The following PRR36 variants were observed in gnomAD, a reference collection of about 807,000 sequenced individuals.
PRR36 encodes the protein proline-rich protein 36.
In PRR36, 30 loss-of-function variants were observed where a neutral mutation model predicts 58.6. That is an observed-to-expected ratio of 0.51 (90% CI 0.38 to 0.69). The LOEUF is 0.69. Among genes scored for constraint, PRR36 ranks in the 30% least tolerant of loss-of-function variants. The pLI is 0.00. For missense variants in PRR36, 1,692 were observed against 1,805.6 expected (o/e 0.94, Z 1.14); for synonymous variants, 771 against 829.3 (o/e 0.93, Z 1.21).
chr19:7,874,338 G>A lies in PRR36; in HGVS notation c.-60C>T, dbSNP rs1980605807. ...CACAGAGTCGCCTGGGGTGGGGCCC[G>A]GGCCGGAGCGACGCGGTGGCCGCCA... On this transcript the variant is annotated 5_prime_UTR_variant, in exon 1 of 6. Coordinates refer to ENST00000618550, the MANE Select transcript of PRR36 (RefSeq NM_001190467.2). The surrounding 1 kb of genome is among the most constrained non-coding windows in gnomAD (Gnocchi z 6.0). The A allele has an allele frequency of 6.6e-6, 1 of 151,600 alleles. No homozygotes were observed. Among genetic ancestry groups the A allele is most frequent in the African/African-American group, 2.4e-5 (1 of 41,364 alleles). 9.4% of individuals were successfully genotyped at this position (151,600 alleles called of 1,614,324 possible). A position where few individuals can be genotyped will look rare whatever the true frequency, so the allele number is the denominator to read the frequency against.
rs539140953 is a variant in PRR36 at position 7,871,678 on chromosome 19, G to A, written c.1566C>T (p.Asp522=). 7 of 1,514,468 alleles carry A rather than the reference G, an allele frequency of 4.6e-6. No individual in the cohort carries two copies. The highest frequency in any genetic ancestry group is 6.2e-6 in the Non-Finnish European group (7 of 1,127,854). 93.8% of individuals were successfully genotyped at this position (1,514,468 alleles called of 1,614,324 possible). A position where few individuals can be genotyped will look rare whatever the true frequency, so the allele number is the denominator to read the frequency against. The change falls in exon 5 of 6, where the codon GAC becomes GAT. Residue 522 remains aspartate, a synonymous_variant. Transcript: ENST00000618550. ...GAGGCAATGTGGCCAGAAGAGGAGA[G>A]TCCTGCAGAGGAAGAGTGGCCAGAG... ...PHTLATLPLQ[D]SPLLATLPLQ... is the part of the protein sequence containing the mutation.
chr19:7,869,427 C>A lies in PRR36; in HGVS notation c.3647G>T (p.Gly1216Val). Residue 1216 changes from glycine to valine, a missense_variant, in exon 6 of 6, where the codon GGG becomes GTG. Gly to Val is a moderately radical substitution (Grantham distance 109). This residue lies in a region of PRR36 where 485 missense variants were observed against 549.2 expected (regional missense o/e 0.88). Transcript: ENST00000618550. ...ATPAPGALDP[G>V]PSPGTSGGKA... ...CCCACCGCTCGTGCCGGGACTGGGC[C>A]CCGGATCCAGTGCGCCAGGGGCGGG... The A allele has an allele frequency of 6.7e-7, 1 of 1,500,842 alleles. No homozygotes were observed. The highest frequency in any genetic ancestry group is 2.8e-5 in the East Asian group (1 of 35,632). The allele number at this position is 1,500,842 out of a possible 1,614,324, so 93.0% of individuals were successfully genotyped here.
rs1214683004 is a variant in PRR36, at chr19:7,874,329, G to T, written c.-51C>A. 1 of 151,742 alleles carries T rather than the reference G, an allele frequency of 6.6e-6. No homozygotes were observed. The highest frequency in any genetic ancestry group is 1.5e-5 in the Non-Finnish European group (1 of 67,908). The allele number at this position is 151,742 out of a possible 1,614,324, so 9.4% of individuals were successfully genotyped here. ...GCCGCTCCTCACAGAGTCGCCTGGGGTGGGGCCCGGGCCGGAGCGACGCGG... is the reference window on the plus strand; with the variant it reads ...GCCGCTCCTCACAGAGTCGCCTGGGTTGGGGCCCGGGCCGGAGCGACGCGG... On this transcript the variant is annotated 5_prime_UTR_variant, in exon 1 of 6. Coordinates refer to ENST00000618550, the MANE Select transcript of PRR36 (RefSeq NM_001190467.2). This position sits in a 1 kb window ranked among gnomAD's most constrained non-coding sequence, Gnocchi z 6.0.
rs760874399 is a variant in PRR36, at chr19:7,872,576, G to T, written c.668C>A (p.Ala223Asp). ...SEHSTTEPSP[A>D]ARRRPSAGGG... is the part of the protein sequence containing the mutation. ...ACCGGCGCTGGGCCGCCTCCTGGCAGCCGGGCTTGGCTCGGTGGTACTGTG... is the reference window on the plus strand; with the variant it reads ...ACCGGCGCTGGGCCGCCTCCTGGCATCCGGGCTTGGCTCGGTGGTACTGTG... The change falls in exon 5 of 6, where the codon GCT (alanine) becomes GAT (aspartate). Residue 223 changes from alanine (A) to aspartate (D), a missense_variant. Ala to Asp is a moderately radical substitution (Grantham distance 126). Around this residue, in one of 5 missense-constraint regions of PRR36, gnomAD observed 975 missense variants for 955.2 expected, o/e 1.02. Coordinates refer to ENST00000618550, the MANE Select transcript of PRR36 (RefSeq NM_001190467.2). The surrounding 1 kb of genome is among the most constrained non-coding windows in gnomAD (Gnocchi z 6.1). 34 of 1,524,058 alleles carry T rather than the reference G, an allele frequency of 2.2e-5. No individual in the cohort carries two copies. In the Middle Eastern group the frequency reaches 2.7e-3, roughly 121 times the overall value. The allele number at this position is 1,524,058 out of a possible 1,614,324, so 94.4% of individuals were successfully genotyped here.
chr19:7,871,513 C>T lies in PRR36; in HGVS notation c.1731G>A (p.Gln577=). 1 of 1,534,386 alleles carries T rather than the reference C, an allele frequency of 6.5e-7. No homozygotes were observed. Among genetic ancestry groups the T allele is most frequent in the Non-Finnish European group, 8.7e-7 (1 of 1,146,470 alleles). The change falls in exon 5 of 6, where the codon CAG becomes CAA. Residue 577 remains glutamine (Q), a synonymous_variant. Coordinates refer to ENST00000618550, the MANE Select transcript of PRR36 (RefSeq NM_001190467.2). ...APPSMTTPPM[Q]APPSLQTIPP... ...GAATGGTCTGGAGAGAGGGCGGGGC[C>T]TGCATAGGGGGCGTAGTCATAGAAG...
At position 7,869,550 on chromosome 19, in the gene PRR36, G is replaced by C; in HGVS notation, c.3530-6C>G. 6.6e-7 allele frequency: 1 copy of C among 1,517,274 alleles called. No homozygotes were observed. The highest frequency in any genetic ancestry group is 8.8e-7 in the Non-Finnish European group (1 of 1,138,786). The allele number at this position is 1,517,274 out of a possible 1,614,324, so 94.0% of individuals were successfully genotyped here. A position where few individuals can be genotyped will look rare whatever the true frequency, so the allele number is the denominator to read the frequency against. On this transcript the variant is annotated splice_polypyrimidine_tract_variant and splice_region_variant and intron_variant, in intron 5 of 5. Coordinates refer to ENST00000618550, the MANE Select transcript of PRR36 (RefSeq NM_001190467.2). ...AGGCCACGGCAGGGGCGCACCTGCG[G>C]GGAGAGACGCCAGGTGGGCCGTGGG...
Position 7,869,021 on chromosome 19 carries a change from C to T in PRR36, c.*12G>A, listed in dbSNP as rs370616890. ...CAGGGGTGGGGTGTAGCAGGCGGGG[C>T]TGTGGTCTGGCTCAGTGGAAGGTCT... On this transcript the variant is annotated 3_prime_UTR_variant, in exon 6 of 6. Coordinates refer to ENST00000618550, the MANE Select transcript of PRR36 (RefSeq NM_001190467.2). 4 of 1,500,336 alleles carry T rather than the reference C, an allele frequency of 2.7e-6. No individual in the cohort carries two copies. The highest frequency in any genetic ancestry group is 3.5e-6 in the Non-Finnish European group (4 of 1,128,062). 92.9% of individuals were successfully genotyped at this position (1,500,336 alleles called of 1,614,324 possible). A position where few individuals can be genotyped will look rare whatever the true frequency, so the allele number is the denominator to read the frequency against.
At position 7,870,000 on chromosome 19, in the gene PRR36, T is replaced by C; in HGVS notation, c.3244A>G (p.Thr1082Ala). The change falls in exon 5 of 6, where the codon ACC (threonine) becomes GCC (alanine). Residue 1082 changes from threonine to alanine, a missense_variant. Coordinates refer to ENST00000618550, the MANE Select transcript of PRR36 (RefSeq NM_001190467.2). ...GAGACGGAGGTATCCGGACCCGGGG[T>C]CGGGGGGCGGCGTGGGGCCTGCAGG... ...PTLQAPRRPP[T>A]PGPDTSVSGP... is the part of the protein sequence containing the mutation. 1 of 1,387,388 alleles carries C rather than the reference T, an allele frequency of 7.2e-7. No individual in the cohort carries two copies. The highest frequency in any genetic ancestry group is 1.5e-5 in the African/African-American group (1 of 64,544). 85.9% of individuals were successfully genotyped at this position (1,387,388 alleles called of 1,614,324 possible).
In PRR36 at chr19:7,869,721, C is replaced by A. The variant is rs1599587400; in HGVS notation, c.3523G>T (p.Ala1175Ser). The change falls in exon 5 of 6, where the codon GCC becomes TCC. Residue 1175 changes from alanine to serine, a missense_variant. Physicochemically the swap from Ala to Ser is moderately conservative, Grantham distance 99. Transcript: ENST00000618550. ...GPAPPLAFRG[A>S]PGAPLPWPPA... is the part of the protein sequence containing the mutation. ...GGTCTGGGGTGCCCCTTACCTGGGG[C>A]TCCGCGGAAAGCCAGCGGCGGAGCG... 7.4e-7 allele frequency: 1 copy of A among 1,344,676 alleles called. No homozygotes were observed. The highest frequency in any genetic ancestry group is 1.5e-5 in the African/African-American group (1 of 65,066). 83.3% of individuals were successfully genotyped at this position (1,344,676 alleles called of 1,614,324 possible).
chr19:7,873,837 GGCTCCC>G lies in PRR36; in HGVS notation c.-7-147_-7-142del. ...CCTCGGCCTCGGCTTCCATCCGCTC[GGCTCCC>G]ACGCACCTACACCCACTCGCCAGCC... is the stretch of plus-strand genomic sequence containing the variant. On this transcript the variant is annotated intron_variant, in intron 1 of 5. Coordinates refer to ENST00000618550, the MANE Select transcript of PRR36 (RefSeq NM_001190467.2). This position sits in a 1 kb window ranked among gnomAD's most constrained non-coding sequence, Gnocchi z 5.0. 1 of 762,140 alleles carries G rather than the reference GGCTCCC, an allele frequency of 1.3e-6. No individual in the cohort carries two copies. Among genetic ancestry groups the G allele is most frequent in the Non-Finnish European group, 2.0e-6 (1 of 494,894 alleles). The allele number at this position is 762,140 out of a possible 1,614,324, so 47.2% of individuals were successfully genotyped here.
chr19:7,870,165 C>A lies in PRR36; in HGVS notation c.3079G>T (p.Ala1027Ser), dbSNP rs1481437810. ...PPLQALPSPP[A>S]SFPGQAPFSP... ...AAAGGGGCCTGCCCAGGGAATGAGG[C>A]AGGCGGAGAGGGAAGGGCCTGCAGA... is the stretch of plus-strand genomic sequence containing the variant. The change falls in exon 5 of 6, where the codon GCC becomes TCC. Residue 1027 changes from alanine to serine, a missense_variant. Around this residue, in one of 5 missense-constraint regions of PRR36, gnomAD observed 485 missense variants for 549.2 expected, o/e 0.88. Transcript: ENST00000618550. 1.4e-6 allele frequency: 2 copies of A among 1,414,086 alleles called. No individual in the cohort carries two copies. The highest frequency in any genetic ancestry group is 2.9e-5 in the East Asian group (1 of 34,290). 87.6% of individuals were successfully genotyped at this position (1,414,086 alleles called of 1,614,324 possible).
rs569642414 is a variant in PRR36, at chr19:7,869,358, G to A, written c.3716C>T (p.Pro1239Leu). The change falls in exon 6 of 6, where the codon CCG (proline) becomes CTG (leucine). Residue 1239 changes from proline to leucine, a missense_variant. Coordinates refer to ENST00000618550, the MANE Select transcript of PRR36 (RefSeq NM_001190467.2). The stretch of plus-strand genomic sequence containing the variant: ...CAGCTCGCCCAGGCGCGCCTGCTTC[G>A]GGCTCCGCGAGGACGCCCCGGCCCC... ...GAGAGASSRSPKQARLGELPL... is the reference protein window; with the variant it reads ...GAGAGASSRSLKQARLGELPL... 1.4e-6 allele frequency: 2 copies of A among 1,431,756 alleles called. No homozygotes were observed. The highest frequency in any genetic ancestry group is 3.0e-5 in the African/African-American group (2 of 66,700). 88.7% of individuals were successfully genotyped at this position (1,431,756 alleles called of 1,614,324 possible).
Position 7,870,856 on chromosome 19 carries a change from C to G in PRR36, c.2388G>C (p.Ser796=), listed in dbSNP as rs1449847630. ...TCTCCGGAGGGGGCGTGGTCAATGG[C>G]GAAGGTGGTGCTTGCAGAGGGCATG... The part of the protein sequence containing the change: ...PAPCPLQAPP[S]PLTTPPPETP... Residue 796 remains serine, a synonymous_variant, in exon 5 of 6, where the codon TCG becomes TCC. Transcript: ENST00000618550. The G allele has an allele frequency of 2.1e-6, 3 of 1,435,410 alleles. No homozygotes were observed. Among genetic ancestry groups the G allele is most frequent in the African/African-American group, 2.9e-5 (2 of 69,048 alleles). The allele number at this position is 1,435,410 out of a possible 1,614,324, so 88.9% of individuals were successfully genotyped here. A position where few individuals can be genotyped will look rare whatever the true frequency, so the allele number is the denominator to read the frequency against.
Position 7,869,948 on chromosome 19 carries a change from G to A in PRR36, c.3296C>T (p.Ala1099Val). The A allele has an allele frequency of 7.3e-7, 1 of 1,372,142 alleles. No individual in the cohort carries two copies. The highest frequency in any genetic ancestry group is 9.3e-7 in the Non-Finnish European group (1 of 1,070,226). 85.0% of individuals were successfully genotyped at this position (1,372,142 alleles called of 1,614,324 possible). The change falls in exon 5 of 6, where the codon GCC (alanine) becomes GTC (valine). Residue 1099 changes from alanine to valine, a missense_variant. This residue lies in a region of PRR36 where 485 missense variants were observed against 549.2 expected (regional missense o/e 0.88). Transcript: ENST00000618550. ...VSGPRLTLAL[A>V]PGPPPPPSRS... ...CGAGGGCGGCGGCGGCGGGCCGGGG[G>A]CCAACGCCAGGGTCAGCCGTGGGCC...
Position 7,872,595 on chromosome 19 carries a change from T to G in PRR36, c.649A>C (p.Thr217Pro), listed in dbSNP as rs1599590755. Residue 217 changes from threonine (T) to proline (P), a missense_variant, in exon 5 of 6, where the codon ACC becomes CCC. By Grantham distance (38) the Thr-to-Pro change is conservative (BLOSUM62 -1). Coordinates refer to ENST00000618550, the MANE Select transcript of PRR36 (RefSeq NM_001190467.2). This position sits in a 1 kb window ranked among gnomAD's most constrained non-coding sequence, Gnocchi z 6.1. ...KSVSSASEHS[T>P]TEPSPAARRR... The stretch of plus-strand genomic sequence containing the variant: ...CTGGCAGCCGGGCTTGGCTCGGTGG[T>G]ACTGTGCTCCGAGGCGCTGCTCACT... 6.6e-7 allele frequency: 1 copy of G among 1,517,912 alleles called. No homozygotes were observed. The highest frequency in any genetic ancestry group is 8.8e-7 in the Non-Finnish European group (1 of 1,139,562). 94.0% of individuals were successfully genotyped at this position (1,517,912 alleles called of 1,614,324 possible). A position where few individuals can be genotyped will look rare whatever the true frequency, so the allele number is the denominator to read the frequency against.
chr19:7,873,222 G>T lies in PRR36; in HGVS notation c.349C>A (p.Pro117Thr). ...KNTSPGPVSS[P>T]GRASGTTRPG... ...CTGGTGGTCCCGCTGGCACGCCCTGGGCTAGAAACAGGGCCTGGGCTGGTG... is the reference window on the plus strand; with the variant it reads ...CTGGTGGTCCCGCTGGCACGCCCTGTGCTAGAAACAGGGCCTGGGCTGGTG... The change falls in exon 3 of 6, where the codon CCA becomes ACA. Residue 117 changes from proline (P) to threonine (T), a missense_variant. By Grantham distance (38) the Pro-to-Thr change is conservative (BLOSUM62 -1). Transcript: ENST00000618550. The surrounding 1 kb of genome is among the most constrained non-coding windows in gnomAD (Gnocchi z 5.0). 6.5e-7 allele frequency: 1 copy of T among 1,536,006 alleles called. No individual in the cohort carries two copies. Among genetic ancestry groups the T allele is most frequent in the Non-Finnish European group, 8.7e-7 (1 of 1,146,844 alleles).
Position 7,870,441 on chromosome 19 carries a change from A to T in PRR36, c.2803T>A (p.Ser935Thr). 2.5e-6 allele frequency: 1 copy of T among 407,434 alleles called. No homozygotes were observed. Among genetic ancestry groups the T allele is most frequent in the Non-Finnish European group, 3.0e-6 (1 of 333,816 alleles). 25.2% of individuals were successfully genotyped at this position (407,434 alleles called of 1,614,324 possible). ...PLQVPPSPPASPPMSPSATPP... is the reference protein window; with the variant it reads ...PLQVPPSPPATPPMSPSATPP... ...GTGGCTGAAGGAGACATTGGGGGAG[A>T]GGCAGGGGGAGAGGGTGGGACCTGC... is the stretch of plus-strand genomic sequence containing the variant. Residue 935 changes from serine to threonine, a missense_variant, in exon 5 of 6, where the codon TCT becomes ACT. By Grantham distance (58) the Ser-to-Thr change is moderately conservative. Around this residue, in one of 5 missense-constraint regions of PRR36, gnomAD observed 23 missense variants for 54.2 expected, o/e 0.42. Coordinates refer to ENST00000618550, the MANE Select transcript of PRR36 (RefSeq NM_001190467.2).
Position 7,871,364 on chromosome 19 carries a change from G to C in PRR36, c.1880C>G (p.Ser627Cys). 6.5e-7 allele frequency: 1 copy of C among 1,535,804 alleles called. No homozygotes were observed. The highest frequency in any genetic ancestry group is 8.7e-7 in the Non-Finnish European group (1 of 1,146,830). The stretch of plus-strand genomic sequence containing the variant: ...TTGCCTAGGGGACATTGTCAGGAAA[G>C]AATGTGTGGCCTGCAGAGTGGGTGA... The part of the protein sequence containing the change: ...LGSPTLQATH[S>C]FLTMSPRQTQ... The change falls in exon 5 of 6, where the codon TCT becomes TGT. Residue 627 changes from serine (S) to cysteine (C), a missense_variant. Physicochemically the swap from Ser to Cys is moderately radical, Grantham distance 112. This residue lies in a region of PRR36 where 975 missense variants were observed against 955.2 expected (regional missense o/e 1.02). Coordinates refer to ENST00000618550, the MANE Select transcript of PRR36 (RefSeq NM_001190467.2).
Position 7,871,195 on chromosome 19 carries a change from C to T in PRR36, c.2049G>A (p.Leu683=). Residue 683 remains leucine (L), a synonymous_variant, in exon 5 of 6, where the codon CTG becomes CTA. Coordinates refer to ENST00000618550, the MANE Select transcript of PRR36 (RefSeq NM_001190467.2). ...SPAVSPLSSP[L]TIHPLQALSS... is the part of the protein sequence containing the mutation. Reference sequence around the variant, plus strand: ...ATAGCGCCTGCAGAGGGTGTATGGTCAGGGGTGAGCTTAGGGGTGAGACAG... The same window carrying T: ...ATAGCGCCTGCAGAGGGTGTATGGTTAGGGGTGAGCTTAGGGGTGAGACAG... The T allele has an allele frequency of 6.6e-7, 1 of 1,524,236 alleles. No individual in the cohort carries two copies. The highest frequency in any genetic ancestry group is 8.7e-7 in the Non-Finnish European group (1 of 1,145,066). 94.4% of individuals were successfully genotyped at this position (1,524,236 alleles called of 1,614,324 possible).
Sources: gnomAD v4.1 joint callset for allele counts on GRCh38, gnomAD v4.1.1 for gene constraint, gnomAD v4.1.1 regional missense constraint, Gnocchi (gnomAD v3.1) non-coding constraint, MANE v1.5 for transcripts, NCBI Gene and HGNC (gene_info 2026-07-23, HGNC 2026-07-21) for gene names.